Variants in HMCN1 observed in about 807,000 individuals in gnomAD.
HMCN1 encodes hemicentin-1.
A neutral mutation model predicts 625.9 loss-of-function variants in HMCN1; 321 were observed. The observed-to-expected ratio is 0.51, with a 90% CI of 0.47 to 0.56. The LOEUF (loss-of-function observed/expected upper bound fraction) is 0.56. HMCN1 is among the 20% of genes least tolerant of loss of function. HMCN1 has a pLI of 0.00. For missense variants in HMCN1, 6,588 were observed against 6,887.3 expected (o/e 0.96, Z 1.54); for synonymous variants, 2,425 against 2,417.6 (o/e 1.00, Z -0.09).
At chr1:185,870,021 G>GTTT (rs397944329) in intron 4 of HMCN1, among the ~76,000 whole-genome samples, 1 of 128,544 alleles carries the variant, frequency 7.8e-6, no homozygotes, top group African/African-American at 2.8e-5. Context: ...ACTGCGTTCT[G>GTTT]TTTTTTTTTT....
At chr1:186,079,578 C>T (rs2102372991) in intron 55 of HMCN1, among the ~76,000 whole-genome samples, 2 of 152,308 alleles carry the variant, frequency 1.3e-5, no homozygotes, top group Admixed American at 1.3e-4. Context: ...GCCTGGATGT[C>T]TGCCTCTGCC....
At chr1:186,130,847 G>T in intron 85 of HMCN1, 150 bp downstream of exon 85, 1 of 794,660 alleles carries the variant, frequency 1.3e-6, no homozygotes, top group Non-Finnish European at 2.1e-6. Flanking sequence ...CTGAAACAAG[G>T]ATTGAAATAG....
chr1:186,055,717 T>C (rs778201623), intron 45 of HMCN1, 43 bp downstream of exon 45: 1 of 1,583,562 alleles, frequency 6.3e-7, no homozygotes, highest in African/African-American at 1.3e-5. Flanking sequence ...CTGGCTAACG[T>C]AATCTAGCAT....
intron 1 of HMCN1, among the ~76,000 whole-genome samples, chr1:185,807,216 G>T (rs1659227299): frequency 6.6e-6 from 1 of 152,098 alleles, no homozygotes. Context: ...CCTGTTGAAG[G>T]TTACTTAGTC....
intron 14 of HMCN1, among the ~76,000 whole-genome samples, chr1:185,969,326 C>T (rs1558104107): frequency 6.6e-6 from 1 of 150,896 alleles, no homozygotes; most frequent in Non-Finnish European, 1.5e-5. Context: ...AAAAATACTT[C>T]ATTTTAGGCA....
At chr1:186,026,082 C>CT (rs1445721992) in intron 36 of HMCN1, among the ~76,000 whole-genome samples, 1 of 152,180 alleles carries the variant, frequency 6.6e-6, no homozygotes, top group Non-Finnish European at 1.5e-5. Context: ...TGGCATTTCA[C>CT]TTTGACATTC....
chr1:185,804,827 T>G (rs1055832101), intron 1 of HMCN1, among the ~76,000 whole-genome samples: 7 of 152,104 alleles, frequency 4.6e-5, no homozygotes, highest in African/African-American at 9.7e-5. Flanking sequence ...AAATCCCTGC[T>G]CTTTAAACTT....
chr1:185,857,509 G>A (rs1474030115), intron 2 of HMCN1, among the ~76,000 whole-genome samples: 1 of 151,650 alleles, frequency 6.6e-6, no homozygotes, highest in Non-Finnish European at 1.5e-5. Flanking sequence ...GTGGTTTTAG[G>A]AAATATATTT....
chr1:185,999,903 G>A, intron 25 of HMCN1, 142 bp from the exon 26 acceptor site: 1 of 617,396 alleles, frequency 1.6e-6, no homozygotes, highest in Non-Finnish European at 2.8e-6. Flanking sequence ...TCCATGCCAG[G>A]AGAAATATCT....
intron 97 of HMCN1, 42 bp downstream of exon 97, chr1:186,154,029 T>A (rs774622791): frequency 1.3e-5 from 20 of 1,511,130 alleles, no homozygotes; most frequent in Admixed American, 8.4e-5. Context: ...TGCCATCCAG[T>A]CTAAAGGGTT....
intron 11 of HMCN1, among the ~76,000 whole-genome samples, chr1:185,945,314 A>G (rs770849349): frequency 6.6e-5 from 10 of 152,218 alleles, no homozygotes; most frequent in Non-Finnish European, 1.2e-4. Flanking sequence ...TTCCATAATA[A>G]CAAAACAAAT....
At chr1:186,079,589 T>G (rs868447736) in intron 55 of HMCN1, among the ~76,000 whole-genome samples, 1 of 152,190 alleles carries the variant, frequency 6.6e-6, no homozygotes, top group South Asian at 2.1e-4. Context: ...TGCCTCTGCC[T>G]ATTCCTTGAC....
chr1:186,063,920 C>A (rs980903983), intron 48 of HMCN1, among the ~76,000 whole-genome samples: 4 of 152,064 alleles, frequency 2.6e-5, no homozygotes, highest in African/African-American at 9.7e-5. Flanking sequence ...GATGGCCTTG[C>A]AGTTTTAAAG....
chr1:185,895,377 T>G (rs1665426591), intron 4 of HMCN1, among the ~76,000 whole-genome samples: 1 of 152,216 alleles, frequency 6.6e-6, no homozygotes, highest in South Asian at 2.1e-4. Flanking sequence ...AGAGCAATAC[T>G]GTAGTCATTT....
chr1:186,020,684 G>A (rs1654664880), intron 35 of HMCN1, among the ~76,000 whole-genome samples: 1 of 152,062 alleles, frequency 6.6e-6, no homozygotes, highest in Admixed American at 6.6e-5. Context: ...AAATTTATGG[G>A]AAAAGCCCTG....
At chr1:186,084,499 G>A (rs886194445) in intron 57 of HMCN1, among the ~76,000 whole-genome samples, 1 of 151,918 alleles carries the variant, frequency 6.6e-6, no homozygotes, top group African/African-American at 2.4e-5. Context: ...TCATTTGAGG[G>A]GAAATAATGT....
At position 186,108,035 on chromosome 1, in the gene HMCN1, TAAA is replaced by T. The variant is rs559777006; in HGVS notation, c.10853-404_10853-402del. On this transcript the variant is annotated intron_variant, in intron 70 of 106. Transcript: ENST00000271588. Reference sequence around the variant, plus strand: ...CAAATTAATTGACACGTAAATTCTGTAAAAAAAAAAAAAAAAAAAAAAAAGTCA... The same window carrying T: ...CAAATTAATTGACACGTAAATTCTGTAAAAAAAAAAAAAAAAAAAAAGTCA... Among the ~76,000 whole-genome samples the T allele has an allele frequency of 3.3e-3, 325 of 98,298 alleles. 2 individuals carry two copies. Among genetic ancestry groups the T allele is most frequent in the Middle Eastern group, 6.8e-3 (1 of 148 alleles). 64.5% of individuals were successfully genotyped at this position (98,298 alleles called of 152,430 possible).
intron 61 of HMCN1, 46 bp from the exon 62 acceptor site, chr1:186,088,099 G>C: frequency 6.2e-7 from 1 of 1,605,830 alleles, no homozygotes; most frequent in Admixed American, 1.7e-5. Flanking sequence ...GAGGACAAAT[G>C]ATTTTCTTCT....
chr1:185,856,445 G>A (rs1030118717), intron 2 of HMCN1, among the ~76,000 whole-genome samples: 1 of 148,546 alleles, frequency 6.7e-6, no homozygotes, highest in Non-Finnish European at 1.5e-5. Flanking sequence ...GTGAGATCGC[G>A]CCACTGCACT....
Sources: gnomAD v4.1 joint callset for allele counts (sites outside exome capture counted in the v4.1 genomes callset) on GRCh38, gnomAD v4.1.1 for gene constraint, MANE v1.5 for transcripts, NCBI Gene and HGNC (gene_info 2026-07-23, HGNC 2026-07-21) for gene names.